The following ERO1B variants were observed in gnomAD, a reference collection of about 807,000 sequenced individuals.
ERO1B encodes endoplasmic reticulum oxidoreductase 1 beta, also known as ERO1-like protein beta.
ERO1B carries 49 observed loss-of-function variants against 75.3 expected under a neutral mutation model. That is an observed-to-expected ratio of 0.65 (90% CI 0.52 to 0.83). ERO1B has a LOEUF of 0.83. ERO1B is among the 40% of genes least tolerant of loss of function. The probability of loss-of-function intolerance (pLI) is 0.00; values close to 1 mark genes in which losing one functional copy is unlikely to be tolerated. For missense variants in ERO1B, 512 were observed against 560.1 expected (o/e 0.91, Z 0.87); for synonymous variants, 191 against 192.9 (o/e 0.99, Z 0.08).
intron 10 of ERO1B, 72 bp downstream of exon 10, chr1:236,230,152 C>A: frequency 7.8e-7 from 1 of 1,277,968 alleles, no homozygotes; most frequent in Non-Finnish European, 1.1e-6. Context: ...AATCCTAGAC[C>A]TTACAAAAAT....
At chr1:236,221,141 A>AT (rs1226017925) in intron 14 of ERO1B, among the ~76,000 whole-genome samples, 176 bp from the exon 15 acceptor site, 1 of 152,206 alleles carries the variant, frequency 6.6e-6, no homozygotes, top group Non-Finnish European at 1.5e-5. Flanking sequence ...TAATAAACAC[A>AT]TCTGAGCAGT....
rs568861773 is a variant in ERO1B at position 236,277,247 on chromosome 1, T to C, written c.102+4435A>G. Among the ~76,000 whole-genome samples the C allele has an allele frequency of 2.0e-5, 3 of 151,950 alleles. No homozygotes were observed. The East Asian group carries it at 5.8e-4, about 29-fold the overall frequency. ...GGCAAAACCCCATCTCTACTAAAAA[T>C]ACAAAAATTAGCTGGGCGTTGTGGC... On this transcript the variant is annotated intron_variant, in intron 1 of 15. Transcript: ENST00000354619.
At chr1:236,257,650 A>T (rs1665190023) in intron 2 of ERO1B, among the ~76,000 whole-genome samples, 1 of 151,942 alleles carries the variant, frequency 6.6e-6, no homozygotes, top group South Asian at 2.1e-4. Context: ...ATTTAGAAGG[A>T]GTCATAAAGA....
intron 2 of ERO1B, among the ~76,000 whole-genome samples, chr1:236,255,798 G>A (rs1272835692): frequency 1.3e-5 from 2 of 152,156 alleles, no homozygotes; most frequent in Admixed American, 1.3e-4. Flanking sequence ...CTTCTGGCCT[G>A]TATACCCACC....
At chr1:236,242,239 C>T (rs186186917) in intron 6 of ERO1B, among the ~76,000 whole-genome samples, 39 of 152,060 alleles carry the variant, frequency 2.6e-4, no homozygotes, top group Non-Finnish European at 5.3e-4. Context: ...ATTAAATAAG[C>T]ACTATTATTT....
chr1:236,254,287 T>A (rs1388011205), intron 2 of ERO1B, among the ~76,000 whole-genome samples: 1 of 152,216 alleles, frequency 6.6e-6, no homozygotes, highest in African/African-American at 2.4e-5. Context: ...TCCTCCCTTT[T>A]CTTGTTCCCC....
rs559627862 is a variant in ERO1B at position 236,267,669 on chromosome 1, A to T, written c.222+2206T>A. 5 of 152,348 alleles carry T rather than the reference A, an allele frequency of 3.3e-5. No individual in the cohort carries two copies. The South Asian group carries it at 8.3e-4, about 25-fold the overall frequency. 9.4% of individuals were successfully genotyped at this position (152,348 alleles called of 1,614,324 possible). A position where few individuals can be genotyped will look rare whatever the true frequency, so the allele number is the denominator to read the frequency against. On this transcript the variant is annotated intron_variant, in intron 2 of 15. Coordinates refer to ENST00000354619, the MANE Select transcript of ERO1B (RefSeq NM_019891.4). ...CCATTTTTGAAATATAAAAGTAAAA[A>T]TTTCATATAGTTCAATGTTATGGTA...
Position 236,215,871 on chromosome 1 carries a change from T to C in ERO1B, c.*2645A>G, listed in dbSNP as rs546917216. The stretch of plus-strand genomic sequence containing the variant: ...ATCAAAATAGCTGTCCTTTCTTATA[T>C]ACAGTGGCACATAGGCAAAGTTGAA... On this transcript the variant is annotated 3_prime_UTR_variant, in exon 16 of 16. Coordinates refer to ENST00000354619, the MANE Select transcript of ERO1B (RefSeq NM_019891.4). 2 of 152,276 alleles carry C rather than the reference T, an allele frequency of 1.3e-5. No homozygotes were observed. The highest frequency in any genetic ancestry group is 1.9e-4 in the East Asian group (1 of 5,182). The allele number at this position is 152,276 out of a possible 1,614,324, so 9.4% of individuals were successfully genotyped here. A position where few individuals can be genotyped will look rare whatever the true frequency, so the allele number is the denominator to read the frequency against.
chr1:236,232,676 A>C, intron 9 of ERO1B, 152 bp downstream of exon 9: 1 of 480,260 alleles, frequency 2.1e-6, no homozygotes, highest in South Asian at 4.3e-5. Flanking sequence ...TATATAAAAT[A>C]ATCTTTTTTT....
At chr1:236,254,546 A>G (rs1433355990) in intron 2 of ERO1B, among the ~76,000 whole-genome samples, 1 of 152,158 alleles carries the variant, frequency 6.6e-6, no homozygotes, top group African/African-American at 2.4e-5. Context: ...GACCTCTTCT[A>G]TTATGCTCCT....
intron 6 of ERO1B, among the ~76,000 whole-genome samples, chr1:236,237,116 C>CTT (rs67072171): frequency 0.016 from 1,729 of 105,446 alleles, 111 homozygotes; most frequent in Non-Finnish European, 0.025. Flanking sequence ...ACTATTTGGA[C>CTT]TTTTTTTTTT....
At chr1:236,248,129 T>C (rs967139202) in intron 5 of ERO1B, among the ~76,000 whole-genome samples, 2 of 152,228 alleles carry the variant, frequency 1.3e-5, no homozygotes, top group Non-Finnish European at 2.9e-5. Flanking sequence ...ACTGGATTCC[T>C]AGTACCCTAG....
chr1:236,231,445 A>G (rs1459839466), intron 9 of ERO1B, among the ~76,000 whole-genome samples: 1 of 151,606 alleles, frequency 6.6e-6, no homozygotes, highest in Admixed American at 6.6e-5. Context: ...TGAGCTAATT[A>G]GCTCAATATA....
chr1:236,244,832 G>A (rs1242493926), intron 5 of ERO1B, among the ~76,000 whole-genome samples: 2 of 150,032 alleles, frequency 1.3e-5, no homozygotes, highest in East Asian at 4.7e-4. Context: ...CCAAATGTCA[G>A]TTTGAAGATG....
chr1:236,242,227 C>T (rs1664724117), intron 6 of ERO1B, among the ~76,000 whole-genome samples: 3 of 151,938 alleles, frequency 2.0e-5, no homozygotes, highest in Admixed American at 6.6e-5. Flanking sequence ...ATTTGAAAAC[C>T]TATTAAATAA....
Position 236,239,835 on chromosome 1 carries a change from G to GTATATATATATGTGTATATA in ERO1B, c.506-3438_506-3437insTATATACACATATATATATA, listed in dbSNP as rs764354290. ...TGTATATATATATGTGTATATATAT[G>GTATATATATATGTGTATATA]TGTATATATATATGTGTATATATGT... is the stretch of plus-strand genomic sequence containing the variant. On this transcript the variant is annotated intron_variant, in intron 6 of 15. Transcript: ENST00000354619. Among the ~76,000 whole-genome samples, 11 of 42,354 alleles carry GTATATATATATGTGTATATA rather than the reference G, an allele frequency of 2.6e-4. 2 individuals are homozygous for GTATATATATATGTGTATATA. Among genetic ancestry groups the GTATATATATATGTGTATATA allele is most frequent in the Non-Finnish European group, 5.8e-4 (7 of 12,054 alleles). The allele number at this position is 42,354 out of a possible 152,430, so 27.8% of individuals were successfully genotyped here.
At chr1:236,246,552 T>C (rs1389015244) in intron 5 of ERO1B, among the ~76,000 whole-genome samples, 2 of 152,160 alleles carry the variant, frequency 1.3e-5, no homozygotes, top group East Asian at 1.9e-4. Context: ...ATTCTTACTA[T>C]AGAATACTAT....
intron 10 of ERO1B, among the ~76,000 whole-genome samples, chr1:236,229,914 A>G (rs1664359944): frequency 6.6e-6 from 1 of 152,220 alleles, no homozygotes; most frequent in Non-Finnish European, 1.5e-5. Flanking sequence ...AATATTTTGC[A>G]TACTCGTTAC....
At chr1:236,262,846 G>T (rs1331569704) in intron 2 of ERO1B, among the ~76,000 whole-genome samples, 1 of 152,150 alleles carries the variant, frequency 6.6e-6, no homozygotes, top group Admixed American at 6.5e-5. Context: ...AATTACCTCA[G>T]TTGTGGAAAT....
Sources: allele counts gnomAD v4.1 joint callset (sites outside exome capture counted in the v4.1 genomes callset), GRCh38; gene constraint gnomAD v4.1.1; transcripts MANE v1.5; gene names NCBI Gene and HGNC (gene_info 2026-07-23, HGNC 2026-07-21).